MCUB: variants seen among roughly 807,000 people sequenced by gnomAD.
The protein encoded by MCUB is mitochondrial calcium uniporter dominant negative subunit beta.
A neutral mutation model predicts 41.4 loss-of-function variants in MCUB; 46 were observed. The observed-to-expected ratio is 1.11, with a 90% CI of 0.88 to 1.42. The LOEUF (loss-of-function observed/expected upper bound fraction) is 1.42. Ranked by LOEUF, MCUB falls within the 40% of genes most tolerant of loss-of-function variation. The probability of loss-of-function intolerance (pLI) is 0.00; values close to 1 mark genes in which losing one functional copy is unlikely to be tolerated. For missense variants in MCUB, 403 were observed against 404.9 expected, an observed-to-expected ratio of 1.00 and a Z score of 0.04; for synonymous variants, 148 against 148.2, an observed-to-expected ratio of 1.00 and a Z score of 0.01.
chr4:109,621,089 C>T (rs867841140), intron 1 of MCUB, among the ~76,000 whole-genome samples: 42 of 151,964 alleles, frequency 2.8e-4, no homozygotes, highest in African/African-American at 9.4e-4. Flanking sequence ...TTAGTACAGA[C>T]GGGGTTTCAC....
At chr4:109,603,454 C>T (rs1270379948) in intron 1 of MCUB, among the ~76,000 whole-genome samples, 1 of 152,198 alleles carries the variant, frequency 6.6e-6, no homozygotes, top group African/African-American at 2.4e-5. Context: ...ACAACCTCCA[C>T]CTCCCAGCTG....
At chr4:109,621,223 C>T (rs191132736) in intron 1 of MCUB, among the ~76,000 whole-genome samples, 17 of 152,152 alleles carry the variant, frequency 1.1e-4, no homozygotes, top group Middle Eastern at 6.8e-3. Context: ...ACTTTTAAGC[C>T]ACAGTAAATC....
chr4:109,608,345 AC>A (rs1282511253), intron 1 of MCUB, among the ~76,000 whole-genome samples: 5 of 151,956 alleles, frequency 3.3e-5, no homozygotes, highest in Admixed American at 3.3e-4. Context: ...ATTTTGAGAT[AC>A]CTGTCTGAAA....
chr4:109,588,149 T>C (rs1375889641), intron 1 of MCUB, among the ~76,000 whole-genome samples: 3 of 152,246 alleles, frequency 2.0e-5, no homozygotes, highest in African/African-American at 7.2e-5. Flanking sequence ...TGATGGCCTC[T>C]TCACATTAGT....
At chr4:109,567,483 A>T (rs1726809392) in intron 1 of MCUB, among the ~76,000 whole-genome samples, 1 of 143,060 alleles carries the variant, frequency 7.0e-6, no homozygotes, top group South Asian at 2.4e-4. Context: ...ATCTTGGCCA[A>T]CATGGTGAAA....
chr4:109,624,651 A>G (rs1456565695), intron 1 of MCUB, among the ~76,000 whole-genome samples: 5 of 152,156 alleles, frequency 3.3e-5, no homozygotes, highest in African/African-American at 1.2e-4. Flanking sequence ...GTTGAGAAAG[A>G]GGAAGAAGTT....
At chr4:109,584,705 T>G (rs1221001461) in intron 1 of MCUB, among the ~76,000 whole-genome samples, 1 of 152,228 alleles carries the variant, frequency 6.6e-6, no homozygotes, top group Admixed American at 6.5e-5. Context: ...TTCACTTTGT[T>G]ATTTACCCAG....
At chr4:109,631,765 TC>T (rs1378754768) in intron 1 of MCUB, among the ~76,000 whole-genome samples, 3 of 152,174 alleles carry the variant, frequency 2.0e-5, no homozygotes, top group Non-Finnish European at 2.9e-5. Context: ...ATCGGTACTG[TC>T]CTTCCAGTTC....
intron 1 of MCUB, among the ~76,000 whole-genome samples, chr4:109,645,652 G>A (rs1014071274): frequency 1.3e-5 from 2 of 152,108 alleles, no homozygotes; most frequent in South Asian, 2.1e-4. Flanking sequence ...GTGGCATGCT[G>A]TTGCATGCTT....
chr4:109,570,327 G>C (rs1726886106), intron 1 of MCUB, among the ~76,000 whole-genome samples: 3 of 152,054 alleles, frequency 2.0e-5, no homozygotes, highest in Non-Finnish European at 2.9e-5. Context: ...GTATATCTTT[G>C]TATTTCTTAT....
intron 1 of MCUB, among the ~76,000 whole-genome samples, chr4:109,652,891 G>A (rs950822700): frequency 2.2e-4 from 34 of 152,260 alleles, no homozygotes; most frequent in African/African-American, 7.9e-4. Flanking sequence ...TGTTTCAGGC[G>A]CCATTCTAGG....
intron 1 of MCUB, among the ~76,000 whole-genome samples, chr4:109,608,803 A>G (rs1727937384): frequency 6.6e-6 from 1 of 152,082 alleles, no homozygotes; most frequent in Admixed American, 6.6e-5. Context: ...ACCCGGCCTG[A>G]AGAGTTAGGT....
At chr4:109,589,078 T>A (rs1727374639) in intron 1 of MCUB, among the ~76,000 whole-genome samples, 1 of 152,234 alleles carries the variant, frequency 6.6e-6, no homozygotes, top group Non-Finnish European at 1.5e-5. Flanking sequence ...TTTGAAATTA[T>A]TTTTGTGTAA....
intron 1 of MCUB, among the ~76,000 whole-genome samples, chr4:109,621,584 TATC>T (rs1197811855): frequency 2.0e-5 from 3 of 152,228 alleles, no homozygotes; most frequent in Non-Finnish European, 4.4e-5. Flanking sequence ...AGTACTGAAT[TATC>T]ATACCCTGAG....
chr4:109,658,940 A>G, intron 1 of MCUB, 71 bp from the exon 2 acceptor site: 1 of 867,210 alleles, frequency 1.2e-6, no homozygotes, highest in Non-Finnish European at 1.9e-6. Flanking sequence ...ATCTTATGGT[A>G]AAATAAAGAC....
Position 109,664,306 on chromosome 4 carries a change from AGCT to A in MCUB, c.364_366del (p.Ala122del). Reference sequence around the variant, plus strand: ...TTCTTTCAGATGGCAACATGATTTCAGCTTCTACCTTGATGGATATTTTGCTAA... The same window carrying A: ...TTCTTTCAGATGGCAACATGATTTCATCTACCTTGATGGATATTTTGCTAA... On this transcript the variant is annotated inframe_deletion, in exon 4 of 8. Coordinates refer to ENST00000394650, the MANE Select transcript of MCUB (RefSeq NM_017918.5). 1 of 1,555,870 alleles carries A rather than the reference AGCT, an allele frequency of 6.4e-7. No individual in the cohort carries two copies. Among genetic ancestry groups the A allele is most frequent in the Non-Finnish European group, 8.9e-7 (1 of 1,127,222 alleles).
chr4:109,564,057 TGTCA>T (rs1371253581), intron 1 of MCUB, among the ~76,000 whole-genome samples: 2 of 152,234 alleles, frequency 1.3e-5, no homozygotes, highest in Non-Finnish European at 2.9e-5. Context: ...TTTGTGAACC[TGTCA>T]GTTTCTTGAT....
At chr4:109,666,817 TG>T (rs1316880043) in intron 4 of MCUB, among the ~76,000 whole-genome samples, 1 of 152,212 alleles carries the variant, frequency 6.6e-6, no homozygotes, top group Non-Finnish European at 1.5e-5. Context: ...TGTTCAATTT[TG>T]TCAAATCTTT....
chr4:109,653,411 G>A (rs1216562647), intron 1 of MCUB, among the ~76,000 whole-genome samples: 1 of 151,650 alleles, frequency 6.6e-6, no homozygotes, highest in Non-Finnish European at 1.5e-5. Context: ...ACTGCCAAAT[G>A]TTTTCCAGAA....
Sources: allele counts gnomAD v4.1 joint callset (sites outside exome capture counted in the v4.1 genomes callset), GRCh38; gene constraint gnomAD v4.1.1; transcripts MANE v1.5; gene names NCBI Gene and HGNC (gene_info 2026-07-23, HGNC 2026-07-21).